The following SLC12A6 variants were observed in gnomAD, a reference collection of about 807,000 sequenced individuals.
SLC12A6 encodes the protein K-Cl cotransporter 3.
Under a neutral mutation model 135.3 loss-of-function variants are expected in SLC12A6, and 66 were observed. The observed-to-expected ratio is 0.49, with a 90% CI of 0.40 to 0.60. The LOEUF (loss-of-function observed/expected upper bound fraction) is 0.60, where lower values mean the gene tolerates loss of function less well. Ranked by LOEUF, SLC12A6 falls within the 20% of genes least tolerant of loss-of-function variation. The pLI is 0.00. For synonymous variants in SLC12A6, 513 were observed against 508.8 expected (o/e 1.01, Z -0.11); for missense variants, 1,058 against 1,452.3 (o/e 0.73, Z 4.41).
intron 3 of SLC12A6, 90 bp downstream of exon 3, chr15:34,275,255 A>G: frequency 2.8e-6 from 2 of 725,864 alleles, no homozygotes. Flanking sequence ...AGGGGATAGA[A>G]AATAGAATCA....
rs753379710 is a variant in SLC12A6, at chr15:34,250,661, T to C, written c.1561A>G (p.Ile521Val). The C allele has an allele frequency of 6.2e-7, 1 of 1,600,592 alleles. No individual in the cohort carries two copies. Among genetic ancestry groups the C allele is most frequent in the Non-Finnish European group, 8.6e-7 (1 of 1,167,676 alleles). ...AAGGAGGTGGTCAGGATGGCAAGGA[T>C]AGTACCAATCGGAATAGACTTCTGA... ...DAQKSIPIGTILAILTTSFVY... is the reference protein window; with the variant it reads ...DAQKSIPIGTVLAILTTSFVY... Residue 521 changes from isoleucine (I) to valine (V), a missense_variant, in exon 12 of 26, where the codon ATC (isoleucine) becomes GTC (valine). Ile to Val is a conservative substitution (Grantham distance 29). This residue lies in a region of SLC12A6 where 297 missense variants were observed against 318.5 expected (regional missense o/e 0.93). Coordinates refer to ENST00000354181, the MANE Select transcript of SLC12A6 (RefSeq NM_001365088.1).
chr15:34,252,338 C>T lies in SLC12A6; in HGVS notation c.1165G>A (p.Val389Ile), dbSNP rs766616549. 12 of 1,612,658 alleles carry T rather than the reference C, an allele frequency of 7.4e-6. No homozygotes were observed. In the Admixed American group the frequency reaches 8.3e-5, roughly 11 times the overall value. Residue 389 changes from valine (V) to isoleucine (I), a missense_variant, in exon 10 of 26, where the codon GTT (valine) becomes ATT (isoleucine). Coordinates refer to ENST00000354181, the MANE Select transcript of SLC12A6 (RefSeq NM_001365088.1). The part of the protein sequence containing the change: ...NRTLSSRHID[V>I]CSKTKEINNM... The stretch of plus-strand genomic sequence containing the variant: ...TTAATTTCCTTGGTCTTAGAGCAAA[C>T]GTCAATGTGTCTTGATGAAAGGGTG...
chr15:34,253,466 A>T (rs976897112), intron 9 of SLC12A6, among the ~76,000 whole-genome samples: 1 of 152,214 alleles, frequency 6.6e-6, no homozygotes, highest in Non-Finnish European at 1.5e-5. Flanking sequence ...AAGCAGATTA[A>T]AAGTTTAAGA....
chr15:34,300,793 CAAAAA>C (rs71763739), intron 2 of SLC12A6, among the ~76,000 whole-genome samples: 1 of 98,808 alleles, frequency 1.0e-5, no homozygotes, highest in Non-Finnish European at 2.4e-5. Flanking sequence ...GACTCCGTCT[CAAAAA>C]AAAAAAAAAA....
intron 2 of SLC12A6, among the ~76,000 whole-genome samples, chr15:34,277,032 T>C (rs540769293): frequency 6.6e-6 from 1 of 152,238 alleles, no homozygotes; most frequent in Admixed American, 6.5e-5. Flanking sequence ...TTAATTTGCT[T>C]TGAAAAAGGA....
intron 13 of SLC12A6, among the ~76,000 whole-genome samples, chr15:34,248,074 T>C (rs1375998415): frequency 6.6e-6 from 1 of 152,174 alleles, no homozygotes; most frequent in East Asian, 1.9e-4. Context: ...GTACATACTT[T>C]TGTGTTTGGT....
At chr15:34,273,478 G>A (rs1369854513) in intron 3 of SLC12A6, among the ~76,000 whole-genome samples, 2 of 152,172 alleles carry the variant, frequency 1.3e-5, no homozygotes, top group Non-Finnish European at 2.9e-5. Flanking sequence ...TAGGATGTCA[G>A]GTACTGTTTC....
chr15:34,262,672 C>G (rs539811617), intron 3 of SLC12A6, among the ~76,000 whole-genome samples: 2 of 152,304 alleles, frequency 1.3e-5, no homozygotes, highest in South Asian at 2.1e-4. Context: ...CGGTAACACC[C>G]CCTCTGAGGT....
intron 2 of SLC12A6, among the ~76,000 whole-genome samples, chr15:34,328,260 C>A (rs1227720234): frequency 6.6e-6 from 1 of 152,068 alleles, no homozygotes; most frequent in Non-Finnish European, 1.5e-5. Context: ...GTTAAGACAT[C>A]CAAAGGTAAC....
intron 2 of SLC12A6, among the ~76,000 whole-genome samples, chr15:34,276,840 C>T (rs985462413): frequency 1.3e-5 from 2 of 152,124 alleles, no homozygotes; most frequent in Non-Finnish European, 2.9e-5. Context: ...TTAATTAACA[C>T]TTTAAGCATC....
intron 6 of SLC12A6, among the ~76,000 whole-genome samples, chr15:34,256,826 G>A (rs974878629): frequency 2.6e-5 from 4 of 152,190 alleles, no homozygotes; most frequent in African/African-American, 9.7e-5. Context: ...AAAAACTATA[G>A]TGGTGGTAGT....
chr15:34,251,919 T>A (rs1031621444), intron 10 of SLC12A6, among the ~76,000 whole-genome samples: 7 of 152,242 alleles, frequency 4.6e-5, no homozygotes, highest in African/African-American at 1.7e-4. Flanking sequence ...GGTTAGAAAG[T>A]GATTTGCTCA....
intron 2 of SLC12A6, among the ~76,000 whole-genome samples, chr15:34,317,595 C>T (rs778191485): frequency 2.6e-5 from 4 of 152,006 alleles, no homozygotes; most frequent in South Asian, 2.1e-4. Flanking sequence ...CCCAGCTACT[C>T]GGGAGGCTGA....
At chr15:34,269,660 G>T (rs1201271553) in intron 3 of SLC12A6, among the ~76,000 whole-genome samples, 1 of 151,504 alleles carries the variant, frequency 6.6e-6, no homozygotes, top group African/African-American at 2.4e-5. Flanking sequence ...ATTTGTCCTG[G>T]AGAGTTTCTG....
intron 2 of SLC12A6, among the ~76,000 whole-genome samples, chr15:34,301,562 G>A (rs1366498933): frequency 1.3e-5 from 2 of 152,190 alleles, no homozygotes; most frequent in Non-Finnish European, 2.9e-5. Flanking sequence ...GGTAATTAAG[G>A]TAGAAAGTAG....
At chr15:34,294,340 C>G (rs1298129419) in intron 2 of SLC12A6, among the ~76,000 whole-genome samples, 1 of 152,182 alleles carries the variant, frequency 6.6e-6, no homozygotes, top group Non-Finnish European at 1.5e-5. Context: ...TCAAGCAATT[C>G]TCCTGCCTCA....
At chr15:34,315,675 T>C (rs1302498749) in intron 2 of SLC12A6, among the ~76,000 whole-genome samples, 2 of 152,202 alleles carry the variant, frequency 1.3e-5, no homozygotes, top group Non-Finnish European at 2.9e-5. Context: ...CATTTTTATA[T>C]GCAGTGGGAA....
At chr15:34,296,479 A>C (rs1389260956) in intron 2 of SLC12A6, among the ~76,000 whole-genome samples, 1 of 152,222 alleles carries the variant, frequency 6.6e-6, no homozygotes, top group African/African-American at 2.4e-5. Context: ...TGATTTGTCT[A>C]CTATATCATA....
chr15:34,265,984 G>A (rs1362632540), intron 3 of SLC12A6, among the ~76,000 whole-genome samples: 1 of 149,462 alleles, frequency 6.7e-6, no homozygotes, highest in Non-Finnish European at 1.5e-5. Context: ...TAGTTCATTT[G>A]GGAAGCAGGG....
Sources: allele counts gnomAD v4.1 joint callset (sites outside exome capture counted in the v4.1 genomes callset), GRCh38; gene constraint gnomAD v4.1.1; regional missense constraint gnomAD v4.1.1; transcripts MANE v1.5; gene names NCBI Gene and HGNC (gene_info 2026-07-23, HGNC 2026-07-21).